UBE2D2: variants seen among roughly 807,000 people sequenced by gnomAD.
UBE2D2 encodes ubiquitin conjugating enzyme E2 D2.
UBE2D2 carries 2 observed loss-of-function variants against 24.2 expected under a neutral mutation model. The ratio of observed to expected loss-of-function variants is 0.08; its 90% CI spans 0.03 to 0.26. UBE2D2 has a LOEUF of 0.26. Among genes scored for constraint, UBE2D2 ranks in the 10% least tolerant of loss-of-function variants. The pLI, the probability that UBE2D2 is intolerant of heterozygous loss-of-function variation, is 1.00. For missense variants in UBE2D2, 44 were observed against 177.6 expected, an observed-to-expected ratio of 0.25 and a Z score of 4.28; for synonymous variants, 58 against 56.5, an observed-to-expected ratio of 1.03 and a Z score of -0.12.
At chr5:139,531,200 C>G (rs1157097525) in intron 1 of UBE2D2, among the ~76,000 whole-genome samples, 1 of 152,176 alleles carries the variant, frequency 6.6e-6, no homozygotes, top group Non-Finnish European at 1.5e-5. Flanking sequence ...GGCACCAGGC[C>G]TGAAAGCAGG....
chr5:139,536,644 C>T (rs1442509420), intron 1 of UBE2D2, among the ~76,000 whole-genome samples: 3 of 152,044 alleles, frequency 2.0e-5, no homozygotes. Context: ...GTGTGAGCCA[C>T]CTTGCCCGGC....
chr5:139,563,674 TGTAATCCCAG>T (rs1486630967), intron 1 of UBE2D2, among the ~76,000 whole-genome samples: 1 of 152,178 alleles, frequency 6.6e-6, no homozygotes, highest in Admixed American at 6.6e-5. Flanking sequence ...GGCTCACGCC[TGTAATCCCAG>T]CACTTTGGGA....
At chr5:139,586,006 T>G (rs981011298) in intron 1 of UBE2D2, among the ~76,000 whole-genome samples, 11 of 150,862 alleles carry the variant, frequency 7.3e-5, no homozygotes, top group African/African-American at 2.7e-4. Context: ...GATACTAGAT[T>G]TGTATAGTAC....
intron 1 of UBE2D2, among the ~76,000 whole-genome samples, chr5:139,591,353 C>G (rs954813310): frequency 6.6e-6 from 1 of 152,056 alleles, no homozygotes; most frequent in Non-Finnish European, 1.5e-5. Flanking sequence ...CTCCCGACCT[C>G]AGGTGATCCA....
At chr5:139,613,648 TTTTC>T (rs1754368700) in intron 2 of UBE2D2, among the ~76,000 whole-genome samples, 1 of 152,168 alleles carries the variant, frequency 6.6e-6, no homozygotes, top group Non-Finnish European at 1.5e-5. Context: ...GGAGAGATGT[TTTTC>T]TTTCTTTAAT....
intron 1 of UBE2D2, among the ~76,000 whole-genome samples, chr5:139,550,806 T>C (rs1486822485): frequency 1.3e-5 from 2 of 151,568 alleles, no homozygotes; most frequent in Non-Finnish European, 2.9e-5. Flanking sequence ...AGACCACAAA[T>C]CCACCAGAAG....
At chr5:139,573,936 G>A (rs1004428623) in intron 1 of UBE2D2, among the ~76,000 whole-genome samples, 2 of 151,576 alleles carry the variant, frequency 1.3e-5, no homozygotes, top group Non-Finnish European at 1.5e-5. Context: ...ACGCCACTGC[G>A]CTCCAGCCTG....
At chr5:139,584,615 C>G (rs1004835899) in intron 1 of UBE2D2, among the ~76,000 whole-genome samples, 3 of 147,912 alleles carry the variant, frequency 2.0e-5, no homozygotes, top group African/African-American at 7.6e-5. Context: ...TCACTGCATC[C>G]TCTGCCTCCT....
chr5:139,547,919 T>A (rs907966846), intron 1 of UBE2D2, among the ~76,000 whole-genome samples: 4 of 151,872 alleles, frequency 2.6e-5, no homozygotes, highest in Non-Finnish European at 5.9e-5. Flanking sequence ...GGTCTCGAAC[T>A]CCCCACCTCA....
In UBE2D2 at chr5:139,625,900, C is replaced by T. The variant is rs576086605; in HGVS notation, c.399-856C>T. On this transcript the variant is annotated intron_variant, in intron 6 of 6. Transcript: ENST00000398733. ...GATTACAGGCGTGAGCCACCACACC[C>T]GGCCTAGCACCCGTTTTTTAATAGG... 8.5e-5 allele frequency among the ~76,000 whole-genome samples: 13 copies of T among 152,208 alleles called. No homozygotes were observed. In the South Asian group the frequency reaches 1.7e-3, roughly 19 times the overall value.
intron 1 of UBE2D2, among the ~76,000 whole-genome samples, chr5:139,599,928 T>C (rs1005610165): frequency 3.3e-5 from 5 of 151,900 alleles, no homozygotes; most frequent in African/African-American, 4.8e-5. Context: ...CTCAGCCTCC[T>C]GAGTAGCTGG....
chr5:139,602,232 A>G (rs61705752), intron 2 of UBE2D2, among the ~76,000 whole-genome samples: 4 of 152,142 alleles, frequency 2.6e-5, no homozygotes, highest in African/African-American at 9.7e-5. Context: ...TTGTATTTTT[A>G]GTAGAGACGG....
chr5:139,610,832 CAAG>C (rs1229359517), intron 2 of UBE2D2, among the ~76,000 whole-genome samples: 2 of 151,954 alleles, frequency 1.3e-5, no homozygotes, highest in African/African-American at 4.8e-5. Flanking sequence ...GTCTGGGTGA[CAAG>C]GAGTAAAACC....
At chr5:139,578,437 T>C (rs1474586746) in intron 1 of UBE2D2, among the ~76,000 whole-genome samples, 1 of 83,504 alleles carries the variant, frequency 1.2e-5, no homozygotes, top group Admixed American at 1.1e-4. Context: ...TTGTGTTTTG[T>C]GTGTGTGTGT....
intron 2 of UBE2D2, among the ~76,000 whole-genome samples, chr5:139,605,296 C>A (rs746478044): frequency 3.9e-5 from 6 of 151,930 alleles, no homozygotes; most frequent in Admixed American, 6.6e-5. Flanking sequence ...AATGTACATC[C>A]TGAAAGAAGT....
chr5:139,556,387 C>A (rs1752981334), upstream of UBE2D2, among the ~76,000 whole-genome samples: 1 of 151,622 alleles, frequency 6.6e-6, no homozygotes, highest in African/African-American at 2.4e-5. Context: ...CCAGCCTGGG[C>A]AACAGAGCAA....
intron 5 of UBE2D2, among the ~76,000 whole-genome samples, 166 bp downstream of exon 5, chr5:139,615,132 A>T (rs1456180588): frequency 6.6e-6 from 1 of 152,192 alleles, no homozygotes; most frequent in East Asian, 1.9e-4. Flanking sequence ...TTTTCAAGCA[A>T]AAGTATTCCT....
intron 2 of UBE2D2, among the ~76,000 whole-genome samples, chr5:139,607,428 A>G (rs749851901): frequency 3.9e-5 from 6 of 152,128 alleles, no homozygotes; most frequent in Non-Finnish European, 8.8e-5. Context: ...TGGTTGCTGC[A>G]TTAGTAATTT....
chr5:139,600,898 G>T (rs182962808), intron 2 of UBE2D2, among the ~76,000 whole-genome samples: 3 of 152,260 alleles, frequency 2.0e-5, no homozygotes. Flanking sequence ...TGCTTCCTGG[G>T]TTCAAGTGAT....
Sources: gnomAD v4.1 joint callset for allele counts (sites outside exome capture counted in the v4.1 genomes callset) on GRCh38, gnomAD v4.1.1 for gene constraint, MANE v1.5 for transcripts, NCBI Gene and HGNC (gene_info 2026-07-23, HGNC 2026-07-21) for gene names.